Variants in LYST observed in about 807,000 individuals in gnomAD.
LYST encodes the protein lysosomal-trafficking regulator.
LYST carries 192 observed loss-of-function variants against 413.6 expected under a neutral mutation model. The observed-to-expected ratio is 0.46, with a 90% CI of 0.41 to 0.52. The LOEUF (loss-of-function observed/expected upper bound fraction) is 0.52, where lower values mean the gene tolerates loss of function less well. Ranked by LOEUF, LYST falls within the 20% of genes least tolerant of loss-of-function variation. The pLI is 0.00. For missense variants in LYST, 3,815 were observed against 4,499.9 expected, an observed-to-expected ratio of 0.85 and a Z score of 4.35; for synonymous variants, 1,525 against 1,567.3, an observed-to-expected ratio of 0.97 and a Z score of 0.64.
chr1:235,756,249 C>T (rs1667041561), intron 24 of LYST, among the ~76,000 whole-genome samples: 1 of 152,100 alleles, frequency 6.6e-6, no homozygotes, highest in Admixed American at 6.5e-5. Context: ...TTCCCCCAGA[C>T]ACACATCTAT....
At chr1:235,663,876 G>T in intron 52 of LYST, 108 bp downstream of exon 52, 1 of 980,176 alleles carries the variant, frequency 1.0e-6, no homozygotes, top group Non-Finnish European at 1.6e-6. Context: ...GGCTTTTCAT[G>T]ATGACTTCAA....
At chr1:235,708,708 T>A (rs1009298509) in intron 44 of LYST, among the ~76,000 whole-genome samples, 2 of 152,192 alleles carry the variant, frequency 1.3e-5, no homozygotes, top group African/African-American at 4.8e-5. Context: ...TGGAGGAGGC[T>A]GAGTATGCTT....
chr1:235,778,113 A>T (rs1249041378), intron 16 of LYST, among the ~76,000 whole-genome samples: 1 of 145,454 alleles, frequency 6.9e-6, no homozygotes, highest in African/African-American at 2.7e-5. Flanking sequence ...ATATATATAT[A>T]TATATATATT....
Position 235,741,505 on chromosome 1 carries a change from G to A in LYST, c.8275C>T (p.Gln2759Ter). The A allele has an allele frequency of 6.2e-7, 1 of 1,614,020 alleles. No homozygotes were observed. Among genetic ancestry groups the A allele is most frequent in the Non-Finnish European group, 8.5e-7 (1 of 1,179,972 alleles). ...VHILSPAHAA[Q>*]ERKQIFEIVH... ...ATTTCAAAAATTTGCTTTCTCTCTT[G>A]TGCAGCGTGGGCTGGCGACAAAATA... Residue 2759 changes from glutamine (Q) to a stop codon, truncating the protein, a stop_gained, in exon 31 of 53, where the codon CAA (glutamine) becomes TAA (stop). Coordinates refer to ENST00000389793, the MANE Select transcript of LYST (RefSeq NM_000081.4). LOFTEE classifies it high-confidence loss of function.
chr1:235,727,075 T>C (rs1663947673), intron 38 of LYST, among the ~76,000 whole-genome samples: 2 of 152,118 alleles, frequency 1.3e-5, no homozygotes, highest in Admixed American at 6.5e-5. Flanking sequence ...TTTTTTTACA[T>C]TTATTTTATA....
intron 39 of LYST, among the ~76,000 whole-genome samples, chr1:235,721,292 T>C (rs1012827469): frequency 6.6e-6 from 1 of 152,200 alleles, no homozygotes; most frequent in Non-Finnish European, 1.5e-5. Flanking sequence ...TCTGGTATAT[T>C]TTCCTGCTAA....
chr1:235,733,843 T>G lies in LYST; in HGVS notation c.8599A>C (p.Asn2867His). Reference sequence around the variant, plus strand: ...ATAAAATCTTACCTTTGTTGATTATTGTTAACTGTTTTCTGCCAAGCAGCT... The same window carrying G: ...ATAAAATCTTACCTTTGTTGATTATGGTTAACTGTTTTCTGCCAAGCAGCT... ...NKAAWQKTVN[N>H]NQQSLFQRLD... Residue 2867 changes from asparagine to histidine, a missense_variant, in exon 33 of 53, where the codon AAT becomes CAT. By Grantham distance (68) the Asn-to-His change is moderately conservative. Transcript: ENST00000389793. 1 of 1,599,474 alleles carries G rather than the reference T, an allele frequency of 6.3e-7. No homozygotes were observed. Among genetic ancestry groups the G allele is most frequent in the Non-Finnish European group, 8.6e-7 (1 of 1,166,770 alleles).
In LYST at chr1:235,809,301, T is replaced by C; in HGVS notation, c.1517A>G (p.Tyr506Cys). 1.9e-6 allele frequency: 3 copies of C among 1,614,054 alleles called. No homozygotes were observed. The highest frequency in any genetic ancestry group is 2.5e-6 in the Non-Finnish European group (3 of 1,179,966). ...CTRKRHRRCE[Y>C]SHFMHHHRDL... Reference sequence around the variant, plus strand: ...TCGGTGATGATGCATAAAATGAGAATATTCACATCGTCTGTGCCTTTTTCT... The same window carrying C: ...TCGGTGATGATGCATAAAATGAGAACATTCACATCGTCTGTGCCTTTTTCT... The change falls in exon 5 of 53, where the codon TAT becomes TGT. Residue 506 changes from tyrosine (Y) to cysteine (C), a missense_variant. By Grantham distance (194) the Tyr-to-Cys change is radical (BLOSUM62 -2). Coordinates refer to ENST00000389793, the MANE Select transcript of LYST (RefSeq NM_000081.4). This position sits in a 1 kb window ranked among gnomAD's most constrained non-coding sequence, Gnocchi z 4.0.
chr1:235,830,100 G>T, intron 3 of LYST, 126 bp downstream of exon 3: 3 of 680,142 alleles, frequency 4.4e-6, no homozygotes, highest in African/African-American at 1.8e-5. Context: ...TTTTTTTTTA[G>T]TGGAATAATG....
intron 48 of LYST, among the ~76,000 whole-genome samples, chr1:235,680,380 T>C (rs981269064): frequency 6.6e-6 from 1 of 152,150 alleles, no homozygotes; most frequent in Non-Finnish European, 1.5e-5. Flanking sequence ...CTCAGCCACC[T>C]GAATAACAGG....
chr1:235,834,716 T>G (rs1225906012), intron 1 of LYST, among the ~76,000 whole-genome samples: 1 of 152,158 alleles, frequency 6.6e-6, no homozygotes, highest in Non-Finnish European at 1.5e-5. Context: ...AAAACATCCC[T>G]TCCTGATGGG....
rs373289598 is a variant in LYST at position 235,800,931 on chromosome 1, A to C, written c.3879T>G (p.Phe1293Leu). The change falls in exon 9 of 53, where the codon TTT (phenylalanine) becomes TTG (leucine). Residue 1293 changes from phenylalanine to leucine, a missense_variant. This residue lies in a region of LYST where 1,648 missense variants were observed against 1,810.3 expected (regional missense o/e 0.91). Coordinates refer to ENST00000389793, the MANE Select transcript of LYST (RefSeq NM_000081.4). ...KAKLDVLAHV[F>L]ESFLKIIRQK... ...GCCTAATAATTTTCAAAAAACTCTC[A>C]AATACATGGGCAAGCACATCAAGTT... The C allele has an allele frequency of 6.2e-7, 1 of 1,613,852 alleles. No homozygotes were observed. The highest frequency in any genetic ancestry group is 8.5e-7 in the Non-Finnish European group (1 of 1,179,884).
intron 1 of LYST, among the ~76,000 whole-genome samples, chr1:235,881,133 G>A (rs574097561): frequency 2.6e-5 from 4 of 152,318 alleles, no homozygotes; most frequent in South Asian, 2.1e-4. Flanking sequence ...AGGTCATAAC[G>A]AAGTGGTAAC....
chr1:235,725,591 T>G (rs1663796346), intron 38 of LYST, among the ~76,000 whole-genome samples: 1 of 152,192 alleles, frequency 6.6e-6, no homozygotes, highest in South Asian at 2.1e-4. Context: ...AATCCATGTC[T>G]GGATGGCCTG....
In LYST at chr1:235,777,300, A is replaced by G. The variant is rs7530527; in HGVS notation, c.5223T>C (p.Leu1741=). ...DVDIGLLIES[L]SVVYTTYCPA... ...GACAGTAAGTTGTATAAACAACTGA[A>G]AGACTTTCCTGAAATACAAATATTT... The change falls in exon 17 of 53, where the codon CTT becomes CTC. Residue 1741 remains leucine, a synonymous_variant. Transcript: ENST00000389793. The G allele has an allele frequency of 4.6e-4, 742 of 1,611,992 alleles. 2 individuals are homozygous for G. In the African/African-American group the frequency reaches 9.3e-3, roughly 20 times the overall value.
chr1:235,758,908 G>A (rs929940320), intron 23 of LYST, 64 bp downstream of exon 23: 9 of 1,478,016 alleles, frequency 6.1e-6, no homozygotes, highest in Middle Eastern at 1.7e-4. Context: ...TTTCCAGAGG[G>A]GTAGAGAGTC....
chr1:235,780,683 A>G (rs1327412169), intron 16 of LYST, among the ~76,000 whole-genome samples, 182 bp downstream of exon 16: 2 of 151,988 alleles, frequency 1.3e-5, no homozygotes, highest in Non-Finnish European at 2.9e-5. Flanking sequence ...AAAGCCTGAA[A>G]CAAATTTTGA....
chr1:235,728,007 T>C, intron 38 of LYST, 69 bp downstream of exon 38: 1 of 1,098,922 alleles, frequency 9.1e-7, no homozygotes, highest in Non-Finnish European at 1.4e-6. Context: ...TCTCTCTAGT[T>C]ATACTGAATT....
intron 47 of LYST, among the ~76,000 whole-genome samples, chr1:235,687,695 C>T (rs959300674): frequency 6.6e-6 from 1 of 152,042 alleles, no homozygotes; most frequent in African/African-American, 2.4e-5. Flanking sequence ...AGCAACTGTC[C>T]CCAACTGCTC....
Sources: gnomAD v4.1 joint callset for allele counts (sites outside exome capture counted in the v4.1 genomes callset) on GRCh38, gnomAD v4.1.1 for gene constraint, gnomAD v4.1.1 regional missense constraint, Gnocchi (gnomAD v3.1) non-coding constraint, MANE v1.5 for transcripts, NCBI Gene and HGNC (gene_info 2026-07-23, HGNC 2026-07-21) for gene names.